Variants in LINGO1 observed in about 807,000 individuals in gnomAD.
LINGO1 encodes the protein leucine-rich repeat and immunoglobulin-like domain-containing nogo receptor-interacting protein 1.
Under a neutral mutation model 37.3 loss-of-function variants are expected in LINGO1, and 11 were observed. The observed-to-expected ratio is 0.29, with a 90% CI of 0.19 to 0.49. The LOEUF (loss-of-function observed/expected upper bound fraction) is 0.49. Among genes scored for constraint, LINGO1 ranks in the 20% least tolerant of loss-of-function variants. The probability of loss-of-function intolerance (pLI) is 0.99; values close to 1 mark genes in which losing one functional copy is unlikely to be tolerated. For synonymous variants in LINGO1, 387 were observed against 403.0 expected (o/e 0.96, Z 0.48); for missense variants, 585 against 878.2 (o/e 0.67, Z 4.22).
chr15:77,770,403 C>T (rs2076572492), intron 1 of LINGO1, among the ~76,000 whole-genome samples: 1 of 152,084 alleles, frequency 6.6e-6, no homozygotes, highest in South Asian at 2.1e-4. Flanking sequence ...GCCTGACCAA[C>T]ATGGAGAAAT....
rs140258685 is a variant in LINGO1 at position 77,761,516 on chromosome 15, G to A, written c.-257+25353C>T. Among the ~76,000 whole-genome samples the A allele has an allele frequency of 1.2e-3, 188 of 152,312 alleles. 1 individual carries two copies. Among genetic ancestry groups the A allele is most frequent in the African/African-American group, 4.4e-3 (182 of 41,564 alleles). ...CTGAGTTGTAATTGTTCAAATACAC[G>A]TAATGGGCTAAAGGGCTTTTTTCTC... On this transcript the variant is annotated intron_variant, in intron 1 of 3. Transcript: ENST00000561686.
chr15:77,780,603 T>C (rs1277460284), intron 1 of LINGO1, among the ~76,000 whole-genome samples: 1 of 152,158 alleles, frequency 6.6e-6, no homozygotes, highest in Non-Finnish European at 1.5e-5. Context: ...GGTGGCATTA[T>C]GGACTAAACT....
chr15:77,776,547 A>AC (rs2141415628), intron 1 of LINGO1, among the ~76,000 whole-genome samples: 1 of 90,950 alleles, frequency 1.1e-5, no homozygotes, highest in African/African-American at 4.3e-5. Context: ...GGAGGGAGGG[A>AC]GGGAGGGAGG....
At chr15:77,656,689 A>T (rs1327634492) in intron 3 of LINGO1, among the ~76,000 whole-genome samples, 1 of 151,878 alleles carries the variant, frequency 6.6e-6, no homozygotes, top group Non-Finnish European at 1.5e-5. Flanking sequence ...CCCAGGATGC[A>T]GATATGTGGG....
At chr15:77,756,995 C>T (rs1425975676) in intron 1 of LINGO1, among the ~76,000 whole-genome samples, 1 of 152,184 alleles carries the variant, frequency 6.6e-6, no homozygotes, top group Non-Finnish European at 1.5e-5. Context: ...TACCTTCAGC[C>T]CCTACAGTCT....
At chr15:77,690,751 A>C (rs1451717492) in exon 2 of LINGO1, 1 of 152,242 alleles carries the variant, frequency 6.6e-6, no homozygotes, top group Non-Finnish European at 1.5e-5. Context: ...CTGGGTCCCA[A>C]AGCTTGAGAA....
chr15:77,686,699 C>T (rs937396588), intron 2 of LINGO1, among the ~76,000 whole-genome samples: 2 of 152,178 alleles, frequency 1.3e-5, no homozygotes, highest in African/African-American at 4.8e-5. Context: ...TGGGCACCAT[C>T]CTTGCCTCTT....
intron 1 of LINGO1, among the ~76,000 whole-genome samples, chr15:77,775,197 C>T (rs2076625227): frequency 6.6e-6 from 1 of 152,148 alleles, no homozygotes; most frequent in Non-Finnish European, 1.5e-5. Flanking sequence ...TGGCCATGGC[C>T]TTCAAGCCCC....
At chr15:77,684,829 T>C (rs773818712) in intron 2 of LINGO1, among the ~76,000 whole-genome samples, 16 of 152,052 alleles carry the variant, frequency 1.1e-4, no homozygotes, top group Non-Finnish European at 1.6e-4. Flanking sequence ...CCCAGGAAGC[T>C]AGGGCAAAGA....
At chr15:77,802,581 C>A (rs1363361541) in intron 1 of LINGO1, among the ~76,000 whole-genome samples, 1 of 152,132 alleles carries the variant, frequency 6.6e-6, no homozygotes, top group Non-Finnish European at 1.5e-5. Context: ...CCAGAAGGAG[C>A]ATAAGGCCCC....
At chr15:77,772,119 C>T (rs1000853725) in intron 1 of LINGO1, among the ~76,000 whole-genome samples, 8 of 152,198 alleles carry the variant, frequency 5.3e-5, no homozygotes, top group African/African-American at 1.9e-4. Context: ...CCTCCCAGGC[C>T]AGTGCAGCCA....
chr15:77,709,651 T>C (rs1596140747), intron 2 of LINGO1, among the ~76,000 whole-genome samples: 2 of 152,376 alleles, frequency 1.3e-5, no homozygotes, highest in East Asian at 3.9e-4. Context: ...GTGGCATCAC[T>C]GCTGAAAGGT....
intron 2 of LINGO1, among the ~76,000 whole-genome samples, chr15:77,728,722 T>A (rs1255119470): frequency 1.3e-5 from 2 of 152,210 alleles, no homozygotes; most frequent in Admixed American, 6.5e-5. Flanking sequence ...TGGAATGTAG[T>A]CCAGACTGCC....
chr15:77,646,733 T>A (rs1014304544), intron 3 of LINGO1, among the ~76,000 whole-genome samples: 3 of 152,188 alleles, frequency 2.0e-5, no homozygotes, highest in African/African-American at 7.2e-5. Context: ...GGGATGGAGC[T>A]TTGATAGTCA....
intron 1 of LINGO1, among the ~76,000 whole-genome samples, chr15:77,759,605 C>G (rs1003692666): frequency 5.3e-5 from 8 of 152,224 alleles, no homozygotes; most frequent in Admixed American, 2.0e-4. Context: ...CACCTCGATG[C>G]CCCTTCCCCT....
At chr15:77,654,142 G>A (rs2074819474) in intron 3 of LINGO1, among the ~76,000 whole-genome samples, 4 of 152,216 alleles carry the variant, frequency 2.6e-5, no homozygotes, top group Admixed American at 2.6e-4. Context: ...CATGGTAACT[G>A]ATGCACAGGT....
intron 1 of LINGO1, among the ~76,000 whole-genome samples, chr15:77,758,194 G>C (rs974814280): frequency 1.1e-4 from 17 of 152,202 alleles, no homozygotes; most frequent in African/African-American, 3.1e-4. Context: ...GAAAGGAAAA[G>C]GGGTCTTAGC....
chr15:77,728,633 G>T (rs2076126180), intron 2 of LINGO1, among the ~76,000 whole-genome samples: 1 of 152,174 alleles, frequency 6.6e-6, no homozygotes, highest in Admixed American at 6.5e-5. Context: ...CTTGTCTCTG[G>T]GCCCGTTTCC....
At chr15:77,637,813 C>T (rs1468331217), upstream of LINGO1, among the ~76,000 whole-genome samples, 1 of 152,212 alleles carries the variant, frequency 6.6e-6, no homozygotes, top group Non-Finnish European at 1.5e-5. This position sits in a 1 kb window ranked among gnomAD's most constrained non-coding sequence, Gnocchi z 4.6. Context: ...TTGTCTCCTC[C>T]AGTTTCCACA....
Sources: allele counts gnomAD v4.1 joint callset (sites outside exome capture counted in the v4.1 genomes callset), GRCh38; gene constraint gnomAD v4.1.1; non-coding constraint Gnocchi (gnomAD v3.1); transcripts MANE v1.5; gene names NCBI Gene and HGNC (gene_info 2026-07-23, HGNC 2026-07-21).